Variants in MCF2L2 observed in about 807,000 individuals in gnomAD.
MCF2L2 encodes MCF.2 cell line derived transforming sequence-like 2, also known as probable guanine nucleotide exchange factor MCF2L2.
In MCF2L2, 102 loss-of-function variants were observed where a neutral mutation model predicts 150.2. The ratio of observed to expected loss-of-function variants is 0.68; its 90% CI spans 0.58 to 0.80. MCF2L2 has a LOEUF of 0.80. Ranked by LOEUF, MCF2L2 falls within the 30% of genes least tolerant of loss-of-function variation. The pLI, the probability that MCF2L2 is intolerant of heterozygous loss-of-function variation, is 0.00. For synonymous variants in MCF2L2, 465 were observed against 491.3 expected (o/e 0.95, Z 0.71); for missense variants, 1,256 against 1,372.8 (o/e 0.91, Z 1.34).
chr3:183,178,600 A>G lies in MCF2L2; in HGVS notation c.*780T>C, dbSNP rs1230146433. The G allele has an allele frequency of 6.6e-6, 1 of 152,238 alleles. No homozygotes were observed. The highest frequency in any genetic ancestry group is 6.5e-5 in the Admixed American group (1 of 15,286). The allele number at this position is 152,238 out of a possible 1,614,324, so 9.4% of individuals were successfully genotyped here. The stretch of plus-strand genomic sequence containing the variant: ...AAATAACTTTGAAAATAAAGTAACT[A>G]TAAACCAGTAACTGAAACTATAAAA... On this transcript the variant is annotated 3_prime_UTR_variant, in exon 30 of 30. Coordinates refer to ENST00000328913, the MANE Select transcript of MCF2L2 (RefSeq NM_015078.4).
At chr3:183,219,185 A>T (rs566040811) in intron 21 of MCF2L2, among the ~76,000 whole-genome samples, 2 of 152,196 alleles carry the variant, frequency 1.3e-5, no homozygotes, top group East Asian at 3.8e-4. Context: ...TAGAAATTAG[A>T]TATACTAAGA....
At position 183,187,933 on chromosome 3, in the gene MCF2L2, T is replaced by C. The variant is rs149842885; in HGVS notation, c.3016+5066A>G. ...TCCTTTCCCTTTCTCCTCATGTCAA[T>C]AGACCAGCAGGCAAAGAGAGCAGTT... On this transcript the variant is annotated intron_variant, in intron 27 of 29. Coordinates refer to ENST00000328913, the MANE Select transcript of MCF2L2 (RefSeq NM_015078.4). Among the ~76,000 whole-genome samples the C allele has an allele frequency of 7.4e-4, 113 of 152,178 alleles. 1 individual carries two copies. The highest frequency in any genetic ancestry group is 2.6e-3 in the African/African-American group (107 of 41,494).
At chr3:183,182,562 G>A (rs1409558677) in intron 27 of MCF2L2, 1 of 152,740 alleles carries the variant, frequency 6.5e-6, no homozygotes, top group East Asian at 1.9e-4. Flanking sequence ...TCTATCCTAG[G>A]AGACAAAGCA....
rs1037993345 is a variant in MCF2L2 at position 183,353,579 on chromosome 3, C to T, written c.276-11949G>A. 9.2e-5 allele frequency among the ~76,000 whole-genome samples: 14 copies of T among 152,118 alleles called. 1 individual carries two copies. The highest frequency in any genetic ancestry group is 1.6e-4 in the Non-Finnish European group (11 of 68,020). Reference sequence around the variant, plus strand: ...GCAAAGCGGGGCAGGCACGTCTTATCGTGCCTGGAGCAGGAGGAAGAGAGT... The same window carrying T: ...GCAAAGCGGGGCAGGCACGTCTTATTGTGCCTGGAGCAGGAGGAAGAGAGT... On this transcript the variant is annotated intron_variant, in intron 3 of 29. Coordinates refer to ENST00000328913, the MANE Select transcript of MCF2L2 (RefSeq NM_015078.4).
chr3:183,318,310 T>A, intron 6 of MCF2L2, 93 bp from the exon 7 acceptor site: 2 of 1,381,340 alleles, frequency 1.4e-6, no homozygotes, highest in Non-Finnish European at 2.1e-6. Context: ...TTGATAAAAT[T>A]AGTGAATAAT....
rs77812192 is a variant in MCF2L2, at chr3:183,426,782, T to C, written c.76+1120A>G. ...CTGGTAGGATCCTACTGATCTTTTG[T>C]CGTAAAAGTTCAGTGCCCACAATTG... On this transcript the variant is annotated intron_variant, in intron 1 of 29. Transcript: ENST00000328913. Among the ~76,000 whole-genome samples the C allele has an allele frequency of 6.6e-3, 999 of 152,374 alleles. 13 individuals carry two copies. Among genetic ancestry groups the C allele is most frequent in the African/African-American group, 0.019 (805 of 41,598 alleles).
chr3:183,185,398 T>C (rs1405019366), intron 27 of MCF2L2, among the ~76,000 whole-genome samples: 1 of 152,246 alleles, frequency 6.6e-6, no homozygotes, highest in East Asian at 1.9e-4. Context: ...CTTTCAGAGA[T>C]CTAGGCGCAA....
At chr3:183,222,062 C>T (rs879696572) in intron 20 of MCF2L2, among the ~76,000 whole-genome samples, 3 of 152,142 alleles carry the variant, frequency 2.0e-5, no homozygotes, top group Non-Finnish European at 4.4e-5. Context: ...TGAGGTCTTG[C>T]TATGTTGCCC....
chr3:183,200,164 C>T (rs557517853), intron 25 of MCF2L2, among the ~76,000 whole-genome samples: 17 of 152,238 alleles, frequency 1.1e-4, no homozygotes, highest in East Asian at 9.6e-4. Context: ...CTGGGTCAAA[C>T]GATATTTGTA....
chr3:183,193,013 G>T lies in MCF2L2; in HGVS notation c.3002C>A (p.Thr1001Lys). The T allele has an allele frequency of 6.2e-7, 1 of 1,614,058 alleles. No homozygotes were observed. The highest frequency in any genetic ancestry group is 1.1e-5 in the South Asian group (1 of 91,066). The change falls in exon 27 of 30, where the codon ACA becomes AAA. Residue 1001 changes from threonine (T) to lysine (K), a missense_variant. By Grantham distance (78) the Thr-to-Lys change is moderately conservative. Transcript: ENST00000328913. The stretch of plus-strand genomic sequence containing the variant: ...ACCCTCCCTACCTTTAATCCCTCCT[G>T]TGCTGGAGGCCGGGTCTTCCTTGCT... Reference protein sequence around the residue: ...TTSKEDPASSTGGIKGCSSRE... With the variant: ...TTSKEDPASSKGGIKGCSSRE...
Position 183,270,227 on chromosome 3 carries a change from A to C in MCF2L2, c.1862+6645T>G. On this transcript the variant is annotated intron_variant, in intron 15 of 29. Coordinates refer to ENST00000328913, the MANE Select transcript of MCF2L2 (RefSeq NM_015078.4). The surrounding 1 kb of genome is among the most constrained non-coding windows in gnomAD (Gnocchi z 4.5). ...ATCCACTGGAGGGAGAAGAACTACA[A>C]AGAAAACTGGCTTGGGAAGATCAAA... 1 of 1,614,186 alleles carries C rather than the reference A, an allele frequency of 6.2e-7. No homozygotes were observed. Among genetic ancestry groups the C allele is most frequent in the Non-Finnish European group, 8.5e-7 (1 of 1,180,018 alleles).
At chr3:183,221,993 T>G (rs1723166648) in intron 20 of MCF2L2, among the ~76,000 whole-genome samples, 1 of 152,204 alleles carries the variant, frequency 6.6e-6, no homozygotes, top group South Asian at 2.1e-4. Flanking sequence ...CTGAAACTGC[T>G]AATGGAAAGC....
chr3:183,264,954 G>C (rs1413010268), intron 15 of MCF2L2, among the ~76,000 whole-genome samples: 4 of 152,154 alleles, frequency 2.6e-5, no homozygotes, highest in Non-Finnish European at 5.9e-5. Context: ...TATTAGAAAA[G>C]ATAATACTAA....
At chr3:183,400,522 C>T (rs745818851) in intron 1 of MCF2L2, 29 of 455,584 alleles carry the variant, frequency 6.4e-5, no homozygotes, top group Admixed American at 6.1e-4. Context: ...CCACCTCGCT[C>T]GCTCTCCATT....
intron 1 of MCF2L2, among the ~76,000 whole-genome samples, chr3:183,424,663 G>A (rs773605525): frequency 7.2e-5 from 11 of 152,222 alleles, no homozygotes; most frequent in South Asian, 4.2e-4. Context: ...GGCACAATGC[G>A]AGCAGAACAA....
At chr3:183,376,116 G>C (rs1188618066) in intron 3 of MCF2L2, 2 of 152,218 alleles carry the variant, frequency 1.3e-5, no homozygotes, top group Non-Finnish European at 2.9e-5. Context: ...TATTCCCTAG[G>C]TCACAAGAAA....
intron 15 of MCF2L2, among the ~76,000 whole-genome samples, chr3:183,260,092 G>A (rs1725450013): frequency 6.6e-6 from 1 of 152,100 alleles, no homozygotes; most frequent in Non-Finnish European, 1.5e-5. Context: ...GAGGAACACA[G>A]GGATGGGGCT....
chr3:183,234,419 T>A (rs1723709665), intron 15 of MCF2L2, among the ~76,000 whole-genome samples: 1 of 152,152 alleles, frequency 6.6e-6, no homozygotes, highest in Non-Finnish European at 1.5e-5. Context: ...GGAAAAGAAA[T>A]CCCTTGGTCA....
chr3:183,360,956 CA>C lies in MCF2L2; in HGVS notation c.275+18340del, dbSNP rs1465562601. ...CAGCCTGGGCAAGAAGAGTGAAACT[CA>C]GAAAAGAAAAGAAAAGAAAAGAAAA... On this transcript the variant is annotated intron_variant, in intron 3 of 29. Transcript: ENST00000328913. Among the ~76,000 whole-genome samples the C allele has an allele frequency of 2.4e-3, 214 of 88,456 alleles. 11 individuals are homozygous for C. Among genetic ancestry groups the C allele is most frequent in the East Asian group, 0.023 (67 of 2,888 alleles). 58.0% of individuals were successfully genotyped at this position (88,456 alleles called of 152,430 possible).
Sources: gnomAD v4.1 joint callset for allele counts (sites outside exome capture counted in the v4.1 genomes callset) on GRCh38, gnomAD v4.1.1 for gene constraint, Gnocchi (gnomAD v3.1) non-coding constraint, MANE v1.5 for transcripts, NCBI Gene and HGNC (gene_info 2026-07-23, HGNC 2026-07-21) for gene names.